Variants in BTG1 observed in about 807,000 individuals in gnomAD.
BTG1 encodes BTG anti-proliferation factor 1.
BTG1 carries 2 observed loss-of-function variants against 15.2 expected under a neutral mutation model. The observed-to-expected ratio is 0.13, with a 90% confidence interval of 0.05 to 0.41. The LOEUF (loss-of-function observed/expected upper bound fraction) is 0.41. Ranked by LOEUF, BTG1 falls within the 10% of genes least tolerant of loss-of-function variation. The probability of loss-of-function intolerance (pLI) is 0.99; values close to 1 mark genes in which losing one functional copy is unlikely to be tolerated. For missense variants in BTG1, 149 were observed against 215.0 expected, an observed-to-expected ratio of 0.69 and a Z score of 1.92; for synonymous variants, 109 against 82.4, an observed-to-expected ratio of 1.32 and a Z score of -1.75.
At position 92,142,853 on chromosome 12, in the gene BTG1, CA is replaced by C. The variant is rs1199078398; in HGVS notation, c.*1226del. On this transcript the variant is annotated 3_prime_UTR_variant, in exon 2 of 2. Coordinates refer to ENST00000256015, the MANE Select transcript of BTG1 (RefSeq NM_001731.3). ...CAATGAAATGTAATCCTTTGAGTATCACATTTTTGGTAGATGCTACCGTGGT... is the reference window on the plus strand; with the variant it reads ...CAATGAAATGTAATCCTTTGAGTATCCATTTTTGGTAGATGCTACCGTGGT... 4.3e-6 allele frequency: 1 copy of C among 232,972 alleles called. No homozygotes were observed. Among genetic ancestry groups the C allele is most frequent in the Non-Finnish European group, 8.5e-6 (1 of 117,982 alleles). The allele number at this position is 232,972 out of a possible 1,614,324, so 14.4% of individuals were successfully genotyped here.
rs547771001 is a variant in BTG1 at position 92,143,325 on chromosome 12, T to C, written c.*755A>G. The C allele has an allele frequency of 4.3e-5, 10 of 233,000 alleles. No individual in the cohort carries two copies. The South Asian group carries it at 1.4e-3, about 34-fold the overall frequency. The allele number at this position is 233,000 out of a possible 1,614,324, so 14.4% of individuals were successfully genotyped here. A position where few individuals can be genotyped will look rare whatever the true frequency, so the allele number is the denominator to read the frequency against. On this transcript the variant is annotated 3_prime_UTR_variant, in exon 2 of 2. Transcript: ENST00000256015. ...TTTGTGGAAAAGACTTTTACCCAAT[T>C]AAGTACAAGGAAAGTTACAAACCAG... is the stretch of plus-strand genomic sequence containing the variant.
Position 92,140,663 on chromosome 12 carries a change from T to C in BTG1, c.*3417A>G, listed in dbSNP as rs1470465787. The stretch of plus-strand genomic sequence containing the variant: ...ACTGTAAAAGATTTTGTGATACTGT[T>C]ATATTAGTTCCAAATATGAAAATAA... On this transcript the variant is annotated 3_prime_UTR_variant, in exon 2 of 2. Transcript: ENST00000256015. 1 of 232,118 alleles carries C rather than the reference T, an allele frequency of 4.3e-6. No individual in the cohort carries two copies. The highest frequency in any genetic ancestry group is 2.2e-5 in the African/African-American group (1 of 45,290). The allele number at this position is 232,118 out of a possible 1,614,324, so 14.4% of individuals were successfully genotyped here.
At chr12:92,145,212 T>G (rs1641917557) in intron 1 of BTG1, 176 bp downstream of exon 1, 1 of 1,046,200 alleles carries the variant, frequency 9.6e-7, no homozygotes, top group East Asian at 3.3e-5. Context: ...GTCCAGCCCC[T>G]AAAGCCTCGC....
chr12:92,140,658 AC>A lies in BTG1; in HGVS notation c.*3421del. 4.3e-6 allele frequency: 1 copy of A among 232,170 alleles called. No individual in the cohort carries two copies. The highest frequency in any genetic ancestry group is 5.6e-5 in the Admixed American group (1 of 17,784). The allele number at this position is 232,170 out of a possible 1,614,324, so 14.4% of individuals were successfully genotyped here. A position where few individuals can be genotyped will look rare whatever the true frequency, so the allele number is the denominator to read the frequency against. On this transcript the variant is annotated 3_prime_UTR_variant, in exon 2 of 2. Transcript: ENST00000256015. ...ATCTTACTGTAAAAGATTTTGTGAT[AC>A]TGTTATATTAGTTCCAAATATGAAA...
In BTG1 at chr12:92,144,380, G is replaced by T; in HGVS notation, c.216C>A (p.Ile72=). The part of the protein sequence containing the change: ...CKGSGYRCIR[I]NHKMDPLIGQ... ...CAATCAGAGGATCCATTTTATGGTT[G>T]ATGCGAATACAACGGTAACCCGATC... The change falls in exon 2 of 2, where the codon ATC becomes ATA. Residue 72 remains isoleucine, a synonymous_variant. Coordinates refer to ENST00000256015, the MANE Select transcript of BTG1 (RefSeq NM_001731.3). 6.2e-7 allele frequency: 1 copy of T among 1,614,214 alleles called. No homozygotes were observed. Among genetic ancestry groups the T allele is most frequent in the South Asian group, 1.1e-5 (1 of 91,090 alleles).
chr12:92,145,457 G>A lies in BTG1; in HGVS notation c.79C>T (p.Arg27Cys). ...CGCTCGCTCGTGAGCCCCTTGGTGC[G>A]GAGAAACTTGGAGATGAAGGACACG... ...AAVSFISKFL[R>C]TKGLTSERQL... The change falls in exon 1 of 2, where the codon CGC (arginine) becomes TGC (cysteine). Residue 27 changes from arginine to cysteine, a missense_variant. Arg to Cys is a radical substitution (Grantham distance 180). Transcript: ENST00000256015. The A allele has an allele frequency of 1.3e-6, 2 of 1,592,360 alleles. No homozygotes were observed. The highest frequency in any genetic ancestry group is 1.7e-6 in the Non-Finnish European group (2 of 1,170,838).
At position 92,142,057 on chromosome 12, in the gene BTG1, T is replaced by C. The variant is rs751975020; in HGVS notation, c.*2023A>G. Reference sequence around the variant, plus strand: ...CAAGTTTGAAATACCGAGGAGCTTTTTCACAGAATAGGTTTAAAAATAAAA... The same window carrying C: ...CAAGTTTGAAATACCGAGGAGCTTTCTCACAGAATAGGTTTAAAAATAAAA... On this transcript the variant is annotated 3_prime_UTR_variant, in exon 2 of 2. Coordinates refer to ENST00000256015, the MANE Select transcript of BTG1 (RefSeq NM_001731.3). 3 of 231,912 alleles carry C rather than the reference T, an allele frequency of 1.3e-5. No homozygotes were observed. Among genetic ancestry groups the C allele is most frequent in the Non-Finnish European group, 2.6e-5 (3 of 117,278 alleles). The allele number at this position is 231,912 out of a possible 1,614,324, so 14.4% of individuals were successfully genotyped here.
Position 92,142,092 on chromosome 12 carries a change from T to C in BTG1, c.*1988A>G, listed in dbSNP as rs988499313. 12 of 231,742 alleles carry C rather than the reference T, an allele frequency of 5.2e-5. No homozygotes were observed. The highest frequency in any genetic ancestry group is 2.4e-4 in the African/African-American group (11 of 45,258). 14.4% of individuals were successfully genotyped at this position (231,742 alleles called of 1,614,324 possible). A position where few individuals can be genotyped will look rare whatever the true frequency, so the allele number is the denominator to read the frequency against. ...AGGTTTAAAAATAAAACCATAACAA[T>C]TGGCAAGGGTAGTCCATGTGTTGCG... is the stretch of plus-strand genomic sequence containing the variant. On this transcript the variant is annotated 3_prime_UTR_variant, in exon 2 of 2. Coordinates refer to ENST00000256015, the MANE Select transcript of BTG1 (RefSeq NM_001731.3).
rs1037472495 is a variant in BTG1 at position 92,145,380 on chromosome 12, C to T, written c.148+8G>A. 1.3e-6 allele frequency: 2 copies of T among 1,573,018 alleles called. No homozygotes were observed. Among genetic ancestry groups the T allele is most frequent in the South Asian group, 1.1e-5 (1 of 87,508 alleles). ...CCCGCGTCCCTCCGACGCCCTCGCC[C>T]TGCTCACCTGCCAGCAGCTCCTGCA... On this transcript the variant is annotated splice_region_variant and intron_variant, in intron 1 of 1. Transcript: ENST00000256015.
Position 92,142,344 on chromosome 12 carries a change from T to C in BTG1, c.*1736A>G, listed in dbSNP as rs1430109823. 4 of 230,858 alleles carry C rather than the reference T, an allele frequency of 1.7e-5. No homozygotes were observed. The East Asian group carries it at 2.5e-4, about 14-fold the overall frequency. The allele number at this position is 230,858 out of a possible 1,614,324, so 14.3% of individuals were successfully genotyped here. A position where few individuals can be genotyped will look rare whatever the true frequency, so the allele number is the denominator to read the frequency against. On this transcript the variant is annotated 3_prime_UTR_variant, in exon 2 of 2. Transcript: ENST00000256015. ...TATTTCCAGTGTCAACATGTTTACA[T>C]ATATACCAAAAAAAGGCCACTATAT...
chr12:92,145,482 G>C lies in BTG1; in HGVS notation c.54C>G (p.Ala18=), dbSNP rs200689451. The C allele has an allele frequency of 3.8e-6, 6 of 1,588,186 alleles. No homozygotes were observed. In the East Asian group the frequency reaches 1.5e-4, roughly 39 times the overall value. The change falls in exon 1 of 2, where the codon GCC becomes GCG. Residue 18 remains alanine (A), a synonymous_variant. Coordinates refer to ENST00000256015, the MANE Select transcript of BTG1 (RefSeq NM_001731.3). ...AATMIGEIAA[A]VSFISKFLRT... ...GGAGAAACTTGGAGATGAAGGACAC[G>C]GCGGCGGCGATCTCGCCTATCATGG...
Position 92,143,823 on chromosome 12 carries a change from C to G in BTG1, c.*257G>C. 1 of 449,606 alleles carries G rather than the reference C, an allele frequency of 2.2e-6. No homozygotes were observed. The highest frequency in any genetic ancestry group is 3.9e-6 in the Non-Finnish European group (1 of 256,302). The allele number at this position is 449,606 out of a possible 1,614,324, so 27.9% of individuals were successfully genotyped here. A position where few individuals can be genotyped will look rare whatever the true frequency, so the allele number is the denominator to read the frequency against. On this transcript the variant is annotated 3_prime_UTR_variant, in exon 2 of 2. Transcript: ENST00000256015. ...ATGTCTGGGAGAAACTGAAACCACC[C>G]TAGGACTTCCCTCCCTAGCAAATAA...
Position 92,143,962 on chromosome 12 carries a change from C to T in BTG1, c.*118G>A. 7.6e-7 allele frequency: 1 copy of T among 1,314,414 alleles called. No individual in the cohort carries two copies. Among genetic ancestry groups the T allele is most frequent in the South Asian group, 1.4e-5 (1 of 73,756 alleles). The allele number at this position is 1,314,414 out of a possible 1,614,324, so 81.4% of individuals were successfully genotyped here. ...TTTTTTTTACCATTCTATCTTGTGC[C>T]AGATCTTCACAGCTGTGACATGGTT... is the stretch of plus-strand genomic sequence containing the variant. On this transcript the variant is annotated 3_prime_UTR_variant, in exon 2 of 2. Coordinates refer to ENST00000256015, the MANE Select transcript of BTG1 (RefSeq NM_001731.3).
chr12:92,142,340 T>C lies in BTG1; in HGVS notation c.*1740A>G. 4.3e-6 allele frequency: 1 copy of C among 230,778 alleles called. No individual in the cohort carries two copies. Among genetic ancestry groups the C allele is most frequent in the Non-Finnish European group, 8.6e-6 (1 of 116,576 alleles). 14.3% of individuals were successfully genotyped at this position (230,778 alleles called of 1,614,324 possible). The stretch of plus-strand genomic sequence containing the variant: ...TGCGTATTTCCAGTGTCAACATGTT[T>C]ACATATATACCAAAAAAAGGCCACT... On this transcript the variant is annotated 3_prime_UTR_variant, in exon 2 of 2. Coordinates refer to ENST00000256015, the MANE Select transcript of BTG1 (RefSeq NM_001731.3).
Position 92,145,554 on chromosome 12 carries a change from C to G in BTG1, c.-19G>C. On this transcript the variant is annotated 5_prime_UTR_variant, in exon 1 of 2. Transcript: ENST00000256015. ...GATGCATGGGGGCGGCGTGCGGGGG[C>G]GGCCCGGGGCGGCTGGGGCTCGGCG... The G allele has an allele frequency of 7.1e-7, 1 of 1,401,172 alleles. No individual in the cohort carries two copies. Among genetic ancestry groups the G allele is most frequent in the Non-Finnish European group, 9.3e-7 (1 of 1,070,838 alleles). The allele number at this position is 1,401,172 out of a possible 1,614,324, so 86.8% of individuals were successfully genotyped here.
chr12:92,140,745 A>G lies in BTG1; in HGVS notation c.*3335T>C, dbSNP rs1161415976. ...AAAGTTCAGTGGCAGAGACTGAGAG[A>G]TAAGTCTAAAATGTTGGCAGTCTGT... On this transcript the variant is annotated 3_prime_UTR_variant, in exon 2 of 2. Coordinates refer to ENST00000256015, the MANE Select transcript of BTG1 (RefSeq NM_001731.3). 8.6e-6 allele frequency: 2 copies of G among 232,318 alleles called. No homozygotes were observed. Among genetic ancestry groups the G allele is most frequent in the Non-Finnish European group, 1.7e-5 (2 of 117,534 alleles). 14.4% of individuals were successfully genotyped at this position (232,318 alleles called of 1,614,324 possible).
chr12:92,142,232 A>G lies in BTG1; in HGVS notation c.*1848T>C. 1 of 231,654 alleles carries G rather than the reference A, an allele frequency of 4.3e-6. No homozygotes were observed. Among genetic ancestry groups the G allele is most frequent in the East Asian group, 6.1e-5 (1 of 16,276 alleles). The allele number at this position is 231,654 out of a possible 1,614,324, so 14.3% of individuals were successfully genotyped here. A position where few individuals can be genotyped will look rare whatever the true frequency, so the allele number is the denominator to read the frequency against. ...CCTGTGTTGTCTACAAAATCAGAATAATTTATTCCTGGGTGTAGAAATAAC... is the reference window on the plus strand; with the variant it reads ...CCTGTGTTGTCTACAAAATCAGAATGATTTATTCCTGGGTGTAGAAATAAC... On this transcript the variant is annotated 3_prime_UTR_variant, in exon 2 of 2. Transcript: ENST00000256015.
chr12:92,144,484 G>C (rs1260604274), intron 1 of BTG1, 37 bp from the exon 2 acceptor site: 4 of 1,602,164 alleles, frequency 2.5e-6, no homozygotes, highest in Non-Finnish European at 3.4e-6. Flanking sequence ...ACAACGCTTA[G>C]GATCGTTAGC....
rs1870128429 is a variant in BTG1, at chr12:92,140,419, T to G, written c.*3661A>C. On this transcript the variant is annotated 3_prime_UTR_variant, in exon 2 of 2. Coordinates refer to ENST00000256015, the MANE Select transcript of BTG1 (RefSeq NM_001731.3). ...GAGGAAATGGTATCAATCCTCAGGA[T>G]TAATACAATCTAAGGCTTACTTGTT... The G allele has an allele frequency of 4.5e-6, 1 of 224,236 alleles. No individual in the cohort carries two copies. The highest frequency in any genetic ancestry group is 8.9e-6 in the Non-Finnish European group (1 of 112,576). 13.9% of individuals were successfully genotyped at this position (224,236 alleles called of 1,614,324 possible). A position where few individuals can be genotyped will look rare whatever the true frequency, so the allele number is the denominator to read the frequency against.
Sources: gnomAD v4.1 joint callset for allele counts on GRCh38, gnomAD v4.1.1 for gene constraint, MANE v1.5 for transcripts, NCBI Gene and HGNC (gene_info 2026-07-23, HGNC 2026-07-21) for gene names.